Variants in TDRD3 observed in about 807,000 individuals in gnomAD.
TDRD3 encodes tudor domain containing 3, also known as tudor domain-containing protein 3.
TDRD3 carries 45 observed loss-of-function variants against 86.7 expected under a neutral mutation model. That is an observed-to-expected ratio of 0.52 (90% CI 0.41 to 0.67). TDRD3 has a LOEUF of 0.67. Among genes scored for constraint, TDRD3 ranks in the 30% least tolerant of loss-of-function variants. The pLI, the probability that TDRD3 is intolerant of heterozygous loss-of-function variation, is 0.00. For missense variants in TDRD3, 814 were observed against 889.0 expected, an observed-to-expected ratio of 0.92 and a Z score of 1.07; for synonymous variants, 298 against 301.7, an observed-to-expected ratio of 0.99 and a Z score of 0.13.
intron 10 of TDRD3, among the ~76,000 whole-genome samples, chr13:60,522,516 G>A (rs1957311303): frequency 6.6e-6 from 1 of 152,098 alleles, no homozygotes; most frequent in Admixed American, 6.5e-5. Context: ...ATCCTCCGAG[G>A]TATGCTCTAT....
chr13:60,558,164 G>A (rs1216907346), intron 12 of TDRD3, among the ~76,000 whole-genome samples: 1 of 152,062 alleles, frequency 6.6e-6, no homozygotes, highest in Non-Finnish European at 1.5e-5. Context: ...GGTGTCCGTG[G>A]CATACTGTAT....
chr13:60,442,022 C>G (rs1335127096), intron 2 of TDRD3, among the ~76,000 whole-genome samples: 1 of 152,200 alleles, frequency 6.6e-6, no homozygotes, highest in African/African-American at 2.4e-5. Flanking sequence ...CAGCCTAGGG[C>G]TAACCTTGTA....
intron 12 of TDRD3, among the ~76,000 whole-genome samples, chr13:60,544,843 A>G (rs533198350): frequency 6.6e-6 from 1 of 152,276 alleles, no homozygotes; most frequent in South Asian, 2.1e-4. Flanking sequence ...TAATCAATAG[A>G]TGTATACTAT....
chr13:60,516,082 G>A (rs984707517), intron 10 of TDRD3, among the ~76,000 whole-genome samples: 2 of 152,158 alleles, frequency 1.3e-5, no homozygotes, highest in African/African-American at 4.8e-5. Context: ...AGAAGTAATT[G>A]TGATTCAGTG....
chr13:60,484,607 T>C, intron 6 of TDRD3: 2 of 418,872 alleles, frequency 4.8e-6, no homozygotes, highest in South Asian at 1.8e-5. Context: ...TTTTGTAAGA[T>C]ATACTCTCAC....
intron 9 of TDRD3, 72 bp downstream of exon 9, chr13:60,509,991 C>T (rs1957023264): frequency 4.6e-6 from 7 of 1,515,082 alleles, no homozygotes; most frequent in Non-Finnish European, 6.2e-6. Context: ...TTGACAGAGG[C>T]TGTTATTTCT....
chr13:60,445,796 C>T (rs1955384054), intron 3 of TDRD3, among the ~76,000 whole-genome samples: 1 of 152,108 alleles, frequency 6.6e-6, no homozygotes, highest in Admixed American at 6.6e-5. Flanking sequence ...TCTGTACATC[C>T]TTACATTATT....
In TDRD3 at chr13:60,573,731, G is replaced by GA; in HGVS notation, c.*131dup. 1.1e-6 allele frequency: 1 copy of GA among 888,582 alleles called. No individual in the cohort carries two copies. The allele number at this position is 888,582 out of a possible 1,614,324, so 55.0% of individuals were successfully genotyped here. A position where few individuals can be genotyped will look rare whatever the true frequency, so the allele number is the denominator to read the frequency against. On this transcript the variant is annotated 3_prime_UTR_variant, in exon 14 of 14. Transcript: ENST00000377881. ...TGGTGGATATTATTATTTGAAGAAA[G>GA]AAAAAACAGATTTTAGGGTGGAAAA...
chr13:60,571,417 G>T (rs986269298), intron 13 of TDRD3, among the ~76,000 whole-genome samples: 5 of 152,130 alleles, frequency 3.3e-5, no homozygotes, highest in African/African-American at 1.2e-4. Context: ...ATTGTAGCCA[G>T]CCATTTGACT....
At chr13:60,433,310 A>T (rs1955000552) in intron 1 of TDRD3, among the ~76,000 whole-genome samples, 1 of 152,186 alleles carries the variant, frequency 6.6e-6, no homozygotes. Flanking sequence ...TTAAAAATAT[A>T]AGTAGTCCTC....
intron 1 of TDRD3, among the ~76,000 whole-genome samples, chr13:60,423,015 TC>T (rs1954702179): frequency 2.0e-5 from 3 of 152,162 alleles, no homozygotes; most frequent in Admixed American, 2.0e-4. Context: ...TTAAAAATTA[TC>T]AGATTATTAA....
chr13:60,472,641 A>G (rs1026132979), intron 5 of TDRD3, among the ~76,000 whole-genome samples: 1 of 152,236 alleles, frequency 6.6e-6, no homozygotes, highest in African/African-American at 2.4e-5. Context: ...GAATTACCAT[A>G]TGATCCATCA....
At chr13:60,535,267 C>T (rs1205637297) in intron 12 of TDRD3, 34 bp downstream of exon 12, 1 of 1,570,674 alleles carries the variant, frequency 6.4e-7, no homozygotes, top group South Asian at 1.2e-5. Context: ...AAGGCATAAA[C>T]TATTTTGAAG....
chr13:60,509,389 A>G (rs985291225), intron 8 of TDRD3, among the ~76,000 whole-genome samples: 1 of 152,040 alleles, frequency 6.6e-6, no homozygotes, highest in African/African-American at 2.4e-5. Context: ...TATGAATTAC[A>G]TTTCCCTTCT....
At chr13:60,467,531 G>A in intron 5 of TDRD3, 152 bp downstream of exon 5, 3 of 847,954 alleles carry the variant, frequency 3.5e-6, no homozygotes, top group Non-Finnish European at 5.3e-6. Flanking sequence ...CTTTGTCTAA[G>A]TGTATTGTTT....
chr13:60,403,154 G>A (rs908843283), intron 1 of TDRD3, among the ~76,000 whole-genome samples: 1 of 146,586 alleles, frequency 6.8e-6, no homozygotes, highest in African/African-American at 2.5e-5. Context: ...TTTTTCTGGT[G>A]ACTAACCTAT....
chr13:60,415,088 A>G (rs962233300), intron 1 of TDRD3, among the ~76,000 whole-genome samples: 3 of 152,014 alleles, frequency 2.0e-5, no homozygotes, highest in African/African-American at 7.2e-5. Flanking sequence ...CATACTGATT[A>G]TTTTATATAA....
At chr13:60,428,078 G>A (rs2137901457) in intron 1 of TDRD3, among the ~76,000 whole-genome samples, 1 of 152,016 alleles carries the variant, frequency 6.6e-6, no homozygotes, top group Middle Eastern at 3.4e-3. Context: ...ACATTCCTTG[G>A]CTTGAGGCAT....
chr13:60,566,373 T>C (rs914910380), intron 12 of TDRD3, among the ~76,000 whole-genome samples: 2 of 152,106 alleles, frequency 1.3e-5, no homozygotes, highest in African/African-American at 4.8e-5. Context: ...TATCTTACCA[T>C]CTTTGTTTCC....
Sources: allele counts gnomAD v4.1 joint callset (sites outside exome capture counted in the v4.1 genomes callset), GRCh38; gene constraint gnomAD v4.1.1; transcripts MANE v1.5; gene names NCBI Gene and HGNC (gene_info 2026-07-23, HGNC 2026-07-21).